FAM135A: variants seen among roughly 807,000 people sequenced by gnomAD.
FAM135A encodes the protein protein FAM135A.
FAM135A carries 79 observed loss-of-function variants against 146.8 expected under a neutral mutation model. The observed-to-expected ratio is 0.54, with a 90% CI of 0.45 to 0.65. The LOEUF is 0.65. Among genes scored for constraint, FAM135A ranks in the 30% least tolerant of loss-of-function variants. The pLI is 0.00. For missense variants in FAM135A, 1,623 were observed against 1,758.2 expected (o/e 0.92, Z 1.38); for synonymous variants, 562 against 603.6 (o/e 0.93, Z 1.01).
chr6:70,484,648 T>G (rs1784291865), intron 10 of FAM135A, among the ~76,000 whole-genome samples: 1 of 152,146 alleles, frequency 6.6e-6, no homozygotes, highest in Non-Finnish European at 1.5e-5. Context: ...CCTAGATCCC[T>G]CACACGCACA....
chr6:70,538,505 A>G, intron 20 of FAM135A, 104 bp downstream of exon 20: 2 of 586,880 alleles, frequency 3.4e-6, no homozygotes, highest in Non-Finnish European at 5.2e-6. Context: ...GGTTAAAAAA[A>G]AGTGTCATTC....
intron 4 of FAM135A, among the ~76,000 whole-genome samples, chr6:70,437,688 A>G (rs944675967): frequency 2.0e-5 from 3 of 152,158 alleles, no homozygotes; most frequent in African/African-American, 7.2e-5. Context: ...GTTCCAGAGC[A>G]CGATGGGAGA....
chr6:70,456,396 G>A (rs942228716), intron 5 of FAM135A, among the ~76,000 whole-genome samples: 2 of 152,094 alleles, frequency 1.3e-5, no homozygotes, highest in African/African-American at 4.8e-5. Context: ...TAATCATTTA[G>A]CATTTCTCTG....
intron 12 of FAM135A, among the ~76,000 whole-genome samples, chr6:70,511,816 G>T (rs868748856): frequency 1.3e-5 from 2 of 151,812 alleles, no homozygotes; most frequent in South Asian, 4.1e-4. Context: ...AGATAATACA[G>T]CCTGTTACTC....
At chr6:70,479,913 A>AAC (rs1055473255) in intron 8 of FAM135A, among the ~76,000 whole-genome samples, 2 of 152,148 alleles carry the variant, frequency 1.3e-5, no homozygotes, top group African/African-American at 2.4e-5. Context: ...ACAACTCTGA[A>AAC]AAACACATTG....
Position 70,533,863 on chromosome 6 carries a change from T to C in FAM135A, c.3965+9T>C. 2 of 1,313,266 alleles carry C rather than the reference T, an allele frequency of 1.5e-6. No individual in the cohort carries two copies. The highest frequency in any genetic ancestry group is 2.1e-6 in the Non-Finnish European group (2 of 964,648). 81.4% of individuals were successfully genotyped at this position (1,313,266 alleles called of 1,614,324 possible). ...ACAGTCTCAAAAATAAGGTATCTTC[T>C]TTAATATTATGCAATTTATTTTTAT... On this transcript the variant is annotated intron_variant, in intron 18 of 21. Transcript: ENST00000418814.
intron 1 of FAM135A, among the ~76,000 whole-genome samples, chr6:70,415,037 T>A (rs773696319): frequency 3.9e-5 from 6 of 152,256 alleles, no homozygotes; most frequent in African/African-American, 1.4e-4. Flanking sequence ...AGAGTCTCTG[T>A]TCTCTAATAA....
At chr6:70,435,589 G>A (rs773757174) in intron 4 of FAM135A, among the ~76,000 whole-genome samples, 2 of 151,476 alleles carry the variant, frequency 1.3e-5, no homozygotes, top group African/African-American at 2.4e-5. Context: ...ATGCAATGTC[G>A]GCTCATCGCA....
chr6:70,525,764 C>A lies in FAM135A; in HGVS notation c.2680C>A (p.Gln894Lys), dbSNP rs1325488897. The A allele has an allele frequency of 6.2e-7, 1 of 1,613,360 alleles. No individual in the cohort carries two copies. The highest frequency in any genetic ancestry group is 8.5e-7 in the Non-Finnish European group (1 of 1,179,600). Residue 894 changes from glutamine (Q) to lysine (K), a missense_variant, in exon 15 of 22, where the codon CAG (glutamine) becomes AAG (lysine). This residue lies in a region of FAM135A where 1,061 missense variants were observed against 1,113.8 expected (regional missense o/e 0.95). Coordinates refer to ENST00000418814, the MANE Select transcript of FAM135A (RefSeq NM_001162529.3). ...TAAAAAGTCAAGTATCACTTTGCAA[C>A]AGCAGAGTGTTGTATTTTCAGGGAA... ...DTKKSSITLQ[Q>K]QSVVFSGNLD...
At chr6:70,417,588 A>G in intron 2 of FAM135A, 1 of 983,354 alleles carries the variant, frequency 1.0e-6, no homozygotes, top group Non-Finnish European at 1.2e-6. Context: ...GAACTAGAAT[A>G]AGTATTCCTT....
chr6:70,461,570 T>C (rs1779452585), intron 5 of FAM135A, among the ~76,000 whole-genome samples: 1 of 152,130 alleles, frequency 6.6e-6, no homozygotes, highest in African/African-American at 2.4e-5. Flanking sequence ...AATTTTAAAA[T>C]TTCATATTTT....
At chr6:70,422,555 G>A (rs1260064982) in intron 2 of FAM135A, among the ~76,000 whole-genome samples, 2 of 152,094 alleles carry the variant, frequency 1.3e-5, no homozygotes, top group African/African-American at 2.4e-5. Context: ...AGGAAATTAG[G>A]CAGCAACAAT....
chr6:70,475,379 A>G (rs764700306), intron 5 of FAM135A, 31 bp from the exon 6 acceptor site: 2 of 1,514,562 alleles, frequency 1.3e-6, no homozygotes, highest in South Asian at 2.6e-5. Context: ...TTTTACTTTT[A>G]TCTGTCAATT....
intron 20 of FAM135A, among the ~76,000 whole-genome samples, chr6:70,556,018 T>C (rs1211380363): frequency 6.6e-6 from 1 of 152,006 alleles, no homozygotes; most frequent in Non-Finnish European, 1.5e-5. Context: ...TTTTGAGAGG[T>C]GGGCAGATCA....
At chr6:70,483,846 A>T (rs75668908) in intron 10 of FAM135A, among the ~76,000 whole-genome samples, 19,175 of 152,154 alleles carry the variant, frequency 0.13, 1,487 homozygotes, top group Middle Eastern at 0.19. Context: ...GATGTGGAAT[A>T]CTACAGTAGT....
In FAM135A at chr6:70,538,372, C is replaced by G. The variant is rs1797167253; in HGVS notation, c.4199C>G (p.Thr1400Ser). ...CGAGATCACTCAGACCCTCGCCAAACTTTTTTATATAAGCTTAGTAACAAA... is the reference window on the plus strand; with the variant it reads ...CGAGATCACTCAGACCCTCGCCAAAGTTTTTTATATAAGCTTAGTAACAAA... Reference protein sequence around the residue: ...TCRDHSDPRQTFLYKLSNKAG... With the variant: ...TCRDHSDPRQSFLYKLSNKAG... The change falls in exon 20 of 22, where the codon ACT (threonine) becomes AGT (serine). Residue 1400 changes from threonine (T) to serine (S), a missense_variant. Physicochemically the swap from Thr to Ser is moderately conservative, Grantham distance 58 (BLOSUM62 1). Coordinates refer to ENST00000418814, the MANE Select transcript of FAM135A (RefSeq NM_001162529.3). 3 of 1,507,374 alleles carry G rather than the reference C, an allele frequency of 2.0e-6. No individual in the cohort carries two copies. Among genetic ancestry groups the G allele is most frequent in the Non-Finnish European group, 2.7e-6 (3 of 1,121,012 alleles). The allele number at this position is 1,507,374 out of a possible 1,614,324, so 93.4% of individuals were successfully genotyped here.
intron 10 of FAM135A, among the ~76,000 whole-genome samples, chr6:70,484,342 TA>T (rs1435216075): frequency 1.3e-5 from 2 of 152,196 alleles, no homozygotes; most frequent in African/African-American, 4.8e-5. Context: ...TAACATGTAA[TA>T]TTTACAAAGA....
At chr6:70,461,370 T>C (rs1779414327) in intron 5 of FAM135A, among the ~76,000 whole-genome samples, 1 of 152,160 alleles carries the variant, frequency 6.6e-6, no homozygotes, top group South Asian at 2.1e-4. Context: ...TTTTATGTTA[T>C]ATACCTCAAT....
intron 5 of FAM135A, among the ~76,000 whole-genome samples, chr6:70,454,184 G>A (rs9455117): frequency 0.021 from 3,240 of 152,270 alleles, 109 homozygotes; most frequent in African/African-American, 0.074. Flanking sequence ...TCATGTGTCT[G>A]TTGACTGCAT....
Sources: gnomAD v4.1 joint callset for allele counts (sites outside exome capture counted in the v4.1 genomes callset) on GRCh38, gnomAD v4.1.1 for gene constraint, gnomAD v4.1.1 regional missense constraint, MANE v1.5 for transcripts, NCBI Gene and HGNC (gene_info 2026-07-23, HGNC 2026-07-21) for gene names.